Variants in REC114 observed in about 807,000 individuals in gnomAD.
The protein encoded by REC114 is meiotic recombination protein REC114.
Under a neutral mutation model 31.3 loss-of-function variants are expected in REC114, and 27 were observed. The observed-to-expected ratio is 0.86, with a 90% CI of 0.64 to 1.19. REC114 has a LOEUF of 1.19. Ranked by LOEUF, REC114 falls within the 50% of genes most tolerant of loss-of-function variation. The pLI is 0.00. For synonymous variants in REC114, 134 were observed against 127.7 expected, an observed-to-expected ratio of 1.05 and a Z score of -0.33; for missense variants, 344 against 326.9, an observed-to-expected ratio of 1.05 and a Z score of -0.40.
At chr15:73,464,598 T>TAG (rs765018721) in intron 1 of REC114, among the ~76,000 whole-genome samples, 54 of 152,110 alleles carry the variant, frequency 3.6e-4, no homozygotes, top group Admixed American at 2.0e-3. Flanking sequence ...GGGCCTCCTG[T>TAG]AGAGAAGTAG....
At chr15:73,549,582 T>C (rs1264634994) in intron 3 of REC114, among the ~76,000 whole-genome samples, 1 of 152,172 alleles carries the variant, frequency 6.6e-6, no homozygotes, top group Non-Finnish European at 1.5e-5. Context: ...AAACATCTCA[T>C]GTACCTCATA....
rs755163777 is a variant in REC114, at chr15:73,550,948, G to A, written c.344G>A (p.Arg115His). Residue 115 changes from arginine to histidine, a missense_variant, in exon 4 of 6, where the codon CGC becomes CAC. Transcript: ENST00000331090. ...LFGTTIKDKS[R>H]LFRVQFSGES... ...TGATTTGTCAAACAGGACAAGAGTC[G>A]CCTGTTTCGAGTACAGTTCAGTGGA... 6 of 1,613,644 alleles carry A rather than the reference G, an allele frequency of 3.7e-6. No homozygotes were observed. The highest frequency in any genetic ancestry group is 4.5e-5 in the East Asian group (2 of 44,884).
intron 5 of REC114, among the ~76,000 whole-genome samples, chr15:73,558,147 C>G (rs987264363): frequency 1.3e-5 from 2 of 152,146 alleles, no homozygotes; most frequent in Non-Finnish European, 2.9e-5. Flanking sequence ...CAAGACTAGC[C>G]TGGCCTAACA....
chr15:73,466,781 AC>A (rs1167922905), intron 1 of REC114, among the ~76,000 whole-genome samples: 1 of 152,238 alleles, frequency 6.6e-6, no homozygotes, highest in Non-Finnish European at 1.5e-5. Flanking sequence ...CTTGCTATTT[AC>A]ACTTGCAACA....
At chr15:73,525,751 A>G (rs1166427250) in intron 2 of REC114, among the ~76,000 whole-genome samples, 1 of 152,060 alleles carries the variant, frequency 6.6e-6, no homozygotes, top group East Asian at 1.9e-4. Context: ...GTCTTTATGG[A>G]AGGTATGCAT....
At chr15:73,444,882 T>C (rs1253719714) in intron 1 of REC114, among the ~76,000 whole-genome samples, 1 of 152,230 alleles carries the variant, frequency 6.6e-6, no homozygotes, top group African/African-American at 2.4e-5. Context: ...AGAATGAATG[T>C]TGTGTTAGCA....
chr15:73,558,736 T>C (rs1314925733), intron 5 of REC114, among the ~76,000 whole-genome samples: 1 of 152,246 alleles, frequency 6.6e-6, no homozygotes, highest in Non-Finnish European at 1.5e-5. Flanking sequence ...ACAGCCACTA[T>C]AGATGACAGT....
chr15:73,466,978 G>A (rs1473188297), intron 1 of REC114, among the ~76,000 whole-genome samples: 3 of 152,168 alleles, frequency 2.0e-5, no homozygotes, highest in Non-Finnish European at 4.4e-5. Context: ...AGAAAGGGTT[G>A]GATTAAGAAC....
chr15:73,506,419 T>A (rs1304613422), intron 2 of REC114, among the ~76,000 whole-genome samples: 1 of 152,210 alleles, frequency 6.6e-6, no homozygotes, highest in Non-Finnish European at 1.5e-5. Flanking sequence ...TTATAATTAC[T>A]AATACTTATG....
chr15:73,473,400 CAAA>C (rs945748563), intron 1 of REC114, among the ~76,000 whole-genome samples: 3 of 149,550 alleles, frequency 2.0e-5, no homozygotes, highest in African/African-American at 7.5e-5. Flanking sequence ...AAAAAAAAAA[CAAA>C]AAAGAAAAGA....
chr15:73,469,395 A>G (rs539700696), intron 1 of REC114, among the ~76,000 whole-genome samples: 1 of 152,058 alleles, frequency 6.6e-6, no homozygotes, highest in Non-Finnish European at 1.5e-5. Context: ...TATTAATAAA[A>G]CCACTCCAGT....
At chr15:73,524,164 A>G (rs1893975893) in intron 2 of REC114, among the ~76,000 whole-genome samples, 2 of 152,194 alleles carry the variant, frequency 1.3e-5, no homozygotes, top group Admixed American at 6.5e-5. Context: ...TTTGAAAACA[A>G]CCCCTATTAG....
chr15:73,473,797 A>G, intron 1 of REC114, 35 bp from the exon 2 acceptor site: 2 of 1,203,536 alleles, frequency 1.7e-6, no homozygotes, highest in East Asian at 2.5e-5. Context: ...GAAATGTATT[A>G]TCTTTTACAT....
chr15:73,523,070 T>C (rs186583486), intron 2 of REC114, among the ~76,000 whole-genome samples: 129 of 152,308 alleles, frequency 8.5e-4, no homozygotes, highest in African/African-American at 2.9e-3. Flanking sequence ...AGTATTATCT[T>C]CCTTTGTGAA....
At position 73,556,405 on chromosome 15, in the gene REC114, C is replaced by A. The variant is rs1270729466; in HGVS notation, c.636+14C>A. ...CAGTTAGCTCAGGTAGAGCTTATTT[C>A]TGTGTTCAATTTTCTTGTCATGAGA... On this transcript the variant is annotated intron_variant, in intron 5 of 5. Transcript: ENST00000331090. 1.2e-6 allele frequency: 2 copies of A among 1,605,470 alleles called. No homozygotes were observed. Among genetic ancestry groups the A allele is most frequent in the Non-Finnish European group, 1.7e-6 (2 of 1,175,462 alleles).
chr15:73,479,240 C>T (rs893411044), intron 2 of REC114, among the ~76,000 whole-genome samples: 5 of 150,274 alleles, frequency 3.3e-5, no homozygotes, highest in African/African-American at 1.2e-4. Context: ...AAGTTCCCTT[C>T]TATTCCTAGT....
At chr15:73,455,433 T>A (rs1366369281) in intron 1 of REC114, among the ~76,000 whole-genome samples, 1 of 152,138 alleles carries the variant, frequency 6.6e-6, no homozygotes, top group Non-Finnish European at 1.5e-5. Flanking sequence ...GTTCTCCTGG[T>A]ACTGTTCTCT....
In REC114 at chr15:73,551,046, G is replaced by T. The variant is rs12102004; in HGVS notation, c.442G>T (p.Val148Leu). The T allele has an allele frequency of 6.2e-6, 10 of 1,613,828 alleles. No homozygotes were observed. The highest frequency in any genetic ancestry group is 8.5e-6 in the Non-Finnish European group (10 of 1,179,826). The change falls in exon 4 of 6, where the codon GTG (valine) becomes TTG (leucine). Residue 148 changes from valine (V) to leucine (L), a missense_variant. By Grantham distance (32) the Val-to-Leu change is conservative (BLOSUM62 1). Transcript: ENST00000331090. ...GCTGGCACAATACATAACCGTGCAG[G>T]TGCCTGATGGAAACATCCAGGAGCT... is the stretch of plus-strand genomic sequence containing the variant. ...QKLAQYITVQVPDGNIQELQL... is the reference protein window; with the variant it reads ...QKLAQYITVQLPDGNIQELQL...
At chr15:73,544,910 C>A (rs907617646) in intron 3 of REC114, among the ~76,000 whole-genome samples, 1 of 152,192 alleles carries the variant, frequency 6.6e-6, no homozygotes, top group Admixed American at 6.5e-5. Flanking sequence ...GGAAAACCCA[C>A]TGGGTTTTTA....
Sources: gnomAD v4.1 joint callset for allele counts (sites outside exome capture counted in the v4.1 genomes callset) on GRCh38, gnomAD v4.1.1 for gene constraint, MANE v1.5 for transcripts, NCBI Gene and HGNC (gene_info 2026-07-23, HGNC 2026-07-21) for gene names.